Variants in PDK1 observed in about 807,000 individuals in gnomAD.
PDK1 encodes the protein pyruvate dehydrogenase kinase 1, also known as [Pyruvate dehydrogenase (acetyl-transferring)] kinase isozyme 1, mitochondrial.
PDK1 carries 39 observed loss-of-function variants against 54.2 expected under a neutral mutation model. The ratio of observed to expected loss-of-function variants is 0.72; its 90% confidence interval spans 0.56 to 0.94. The LOEUF is 0.94. PDK1 is among the 40% of genes least tolerant of loss of function. The pLI is 0.00. For synonymous variants in PDK1, 221 were observed against 207.1 expected, an observed-to-expected ratio of 1.07 and a Z score of -0.58; for missense variants, 552 against 566.0, an observed-to-expected ratio of 0.98 and a Z score of 0.25.
At chr2:172,556,490 G>T in intron 1 of PDK1, 144 bp downstream of exon 1, 1 of 527,490 alleles carries the variant, frequency 1.9e-6, no homozygotes, top group Non-Finnish European at 3.0e-6. Context: ...AGCGCCTTAG[G>T]TGCTTCCTTC....
chr2:172,594,709 C>A (rs1252292035), intron 10 of PDK1, among the ~76,000 whole-genome samples: 1 of 152,148 alleles, frequency 6.6e-6, no homozygotes, highest in Non-Finnish European at 1.5e-5. Context: ...TTGTCAACAT[C>A]AAAGACTTTA....
At chr2:172,637,888 G>T in the PDK1 span, among the ~76,000 whole-genome samples, 4 of 152,010 alleles carry the variant, frequency 2.6e-5, no homozygotes, top group Non-Finnish European at 4.4e-5. Context: ...AGTAGAGATG[G>T]CGTTTCACCA....
Position 172,565,008 on chromosome 2 carries a change from G to A in PDK1, c.626G>A (p.Ser209Asn). The A allele has an allele frequency of 6.2e-7, 1 of 1,613,008 alleles. No homozygotes were observed. The highest frequency in any genetic ancestry group is 8.5e-7 in the Non-Finnish European group (1 of 1,179,186). Reference protein sequence around the residue: ...SLLFGGKGKGSPSHRKHIGSI... With the variant: ...SLLFGGKGKGNPSHRKHIGSI... ...TTGTTTGGTGGAAAAGGCAAAGGAA[G>A]TCCATCTCATCGAAAACACATTGGA... Residue 209 changes from serine to asparagine, a missense_variant, in exon 5 of 11, where the codon AGT becomes AAT. Transcript: ENST00000282077.
chr2:172,562,360 T>C (rs1321080436), intron 3 of PDK1, 69 bp downstream of exon 3: 1 of 948,392 alleles, frequency 1.1e-6, no homozygotes, highest in Admixed American at 1.8e-5. Flanking sequence ...TGGTTAACTT[T>C]TAGGTTTCTA....
At chr2:172,592,597 C>T (rs1471733531) in intron 9 of PDK1, among the ~76,000 whole-genome samples, 1 of 152,098 alleles carries the variant, frequency 6.6e-6, no homozygotes, top group East Asian at 1.9e-4. Context: ...TGGAGAAGTC[C>T]GCAGACCAAG....
chr2:172,576,726 G>C (rs1689606077), intron 8 of PDK1, among the ~76,000 whole-genome samples: 1 of 151,882 alleles, frequency 6.6e-6, no homozygotes, highest in African/African-American at 2.4e-5. Flanking sequence ...TTTTCCCATT[G>C]GTTAATAGGA....
chr2:172,574,867 A>AGT (rs1689492467), intron 8 of PDK1, among the ~76,000 whole-genome samples: 1 of 152,196 alleles, frequency 6.6e-6, no homozygotes, highest in African/African-American at 2.4e-5. Context: ...CTCTGCAAAA[A>AGT]GATGTAAGTG....
chr2:172,646,497 A>G, the PDK1 span, among the ~76,000 whole-genome samples: 1 of 97,804 alleles, frequency 1.0e-5, no homozygotes, highest in Admixed American at 1.0e-4. Flanking sequence ...AGATAAACAC[A>G]TCGAAGGCAA....
chr2:172,648,693 C>T, the PDK1 span, among the ~76,000 whole-genome samples: 1 of 152,342 alleles, frequency 6.6e-6, no homozygotes, highest in South Asian at 2.1e-4. Flanking sequence ...ATATCCCGCG[C>T]CTGGCTCGGA....
the PDK1 span, among the ~76,000 whole-genome samples, chr2:172,654,378 A>G: frequency 6.6e-6 from 1 of 152,238 alleles, no homozygotes; most frequent in African/African-American, 2.4e-5. Flanking sequence ...CCAAATGTCC[A>G]TCAGTGATAG....
chr2:172,645,260 C>CTTTTTTTTTTTTTTTTTT, the PDK1 span, among the ~76,000 whole-genome samples: 3 of 51,128 alleles, frequency 5.9e-5, 1 homozygote, highest in East Asian at 1.8e-3. Flanking sequence ...ACAAAATAGG[C>CTTTTTTTTTTTTTTTTTT]TTTTTTTTTT....
chr2:172,622,255 CAT>C, the PDK1 span, among the ~76,000 whole-genome samples: 39 of 124,936 alleles, frequency 3.1e-4, no homozygotes, highest in Admixed American at 2.2e-3. Flanking sequence ...GTTTATATCT[CAT>C]ATTATGTGAG....
chr2:172,660,255 T>C, the PDK1 span, among the ~76,000 whole-genome samples: 2 of 122,642 alleles, frequency 1.6e-5, no homozygotes, highest in East Asian at 2.2e-4. Flanking sequence ...CTCTTTTTTT[T>C]TTTTTTTTTT....
the PDK1 span, among the ~76,000 whole-genome samples, chr2:172,649,992 G>T: frequency 6.6e-6 from 1 of 152,152 alleles, no homozygotes; most frequent in East Asian, 1.9e-4. Flanking sequence ...AGAGAACGCC[G>T]CAAAGATACT....
chr2:172,568,642 C>T (rs891610504), intron 6 of PDK1, 99 bp from the exon 7 acceptor site: 23 of 758,810 alleles, frequency 3.0e-5, no homozygotes, highest in Non-Finnish European at 4.9e-5. Context: ...TACTGTCCTC[C>T]GTAGTTAATG....
intron 8 of PDK1, among the ~76,000 whole-genome samples, chr2:172,571,823 C>CGTTTT (rs765005051): frequency 0.024 from 2,419 of 99,676 alleles, 258 homozygotes; most frequent in African/African-American, 0.036. Context: ...TCTTTCTTTA[C>CGTTTT]TTTTTTTTTT....
intron 8 of PDK1, 120 bp from the exon 9 acceptor site, chr2:172,586,158 C>CAAAAA: frequency 5.7e-6 from 2 of 350,434 alleles, no homozygotes; most frequent in South Asian, 2.5e-5. Flanking sequence ...GACTCTGTCT[C>CAAAAA]AAAAAAAAAA....
At chr2:172,610,351 G>A (rs902933310), downstream of PDK1, among the ~76,000 whole-genome samples, 1 of 151,986 alleles carries the variant, frequency 6.6e-6, no homozygotes, top group Non-Finnish European at 1.5e-5. Context: ...CTGCCCCTAC[G>A]ATGCCTCTCA....
chr2:172,632,527 A>G, the PDK1 span, among the ~76,000 whole-genome samples: 1 of 152,114 alleles, frequency 6.6e-6, no homozygotes, highest in African/African-American at 2.4e-5. Context: ...GCATTTTGCC[A>G]GTTCTAATAT....
Sources: gnomAD v4.1 joint callset for allele counts (sites outside exome capture counted in the v4.1 genomes callset) on GRCh38, gnomAD v4.1.1 for gene constraint, MANE v1.5 for transcripts, NCBI Gene and HGNC (gene_info 2026-07-23, HGNC 2026-07-21) for gene names.